JKAMP: variants seen among roughly 807,000 people sequenced by gnomAD.
JKAMP encodes JNK1/MAPK8-associated membrane protein.
Under a neutral mutation model 40.2 loss-of-function variants are expected in JKAMP, and 20 were observed. That is an observed-to-expected ratio of 0.50 (90% CI 0.35 to 0.72). The LOEUF (loss-of-function observed/expected upper bound fraction) is 0.72. JKAMP is among the 30% of genes least tolerant of loss of function. The probability of loss-of-function intolerance (pLI) is 0.01; values close to 1 mark genes in which losing one functional copy is unlikely to be tolerated. For missense variants in JKAMP, 276 were observed against 373.0 expected (o/e 0.74, Z 2.14); for synonymous variants, 138 against 131.6 (o/e 1.05, Z -0.33).
At chr14:59,501,741 TA>T (rs1471884039) in intron 6 of JKAMP, among the ~76,000 whole-genome samples, 1 of 152,190 alleles carries the variant, frequency 6.6e-6, no homozygotes, top group Non-Finnish European at 1.5e-5. Flanking sequence ...TTTTACCCCA[TA>T]ATGTTTGGGG....
At chr14:59,484,773 G>A (rs908884568) in intron 1 of JKAMP, 180 bp downstream of exon 1, 2 of 942,852 alleles carry the variant, frequency 2.1e-6, no homozygotes, top group Non-Finnish European at 3.1e-6. Context: ...TGGTCTGTCC[G>A]CAACGGGCTA....
At chr14:59,489,339 A>G (rs1353298727) in intron 3 of JKAMP, among the ~76,000 whole-genome samples, 4 of 152,164 alleles carry the variant, frequency 2.6e-5, no homozygotes, top group African/African-American at 7.2e-5. Flanking sequence ...TTAAGTTCCA[A>G]CTTCCACAGA....
At chr14:59,500,913 C>A in intron 5 of JKAMP, 1 of 293,222 alleles carries the variant, frequency 3.4e-6, no homozygotes, top group Non-Finnish European at 6.2e-6. Flanking sequence ...TGGAACACAG[C>A]CGTGCCCATT....
rs1037963682 is a variant in JKAMP at position 59,492,889 on chromosome 14, C to A, written c.252-2129C>A. On this transcript the variant is annotated intron_variant, in intron 3 of 6. Transcript: ENST00000616435. The stretch of plus-strand genomic sequence containing the variant: ...CTCGGCTCACTGCAAGCTTCGCCTC[C>A]CAGGTTCACGTCATTCTCCTGCCTC... Among the ~76,000 whole-genome samples, 18 of 151,620 alleles carry A rather than the reference C, an allele frequency of 1.2e-4. No individual in the cohort carries two copies. In the East Asian group the frequency reaches 3.5e-3, roughly 30 times the overall value.
intron 3 of JKAMP, among the ~76,000 whole-genome samples, chr14:59,492,776 A>C (rs186790661): frequency 1.3e-5 from 2 of 151,154 alleles, no homozygotes; most frequent in Admixed American, 1.3e-4. Flanking sequence ...GGAAAAATAG[A>C]GACTATGAAG....
chr14:59,504,385 C>T lies in JKAMP; in HGVS notation c.*313C>T, dbSNP rs1406955377. 20 of 270,990 alleles carry T rather than the reference C, an allele frequency of 7.4e-5. No homozygotes were observed. Among genetic ancestry groups the T allele is most frequent in the Non-Finnish European group, 6.9e-6 (1 of 144,358 alleles). The allele number at this position is 270,990 out of a possible 1,614,324, so 16.8% of individuals were successfully genotyped here. The stretch of plus-strand genomic sequence containing the variant: ...GTTTCTGTGTACCTAGCAATGTGTT[C>T]CCATTTTATTAAGAAAAGCTTTAAC... On this transcript the variant is annotated 3_prime_UTR_variant, in exon 7 of 7. Transcript: ENST00000616435.
At chr14:59,485,002 C>CAT in intron 1 of JKAMP, 1 of 1,583,468 alleles carries the variant, frequency 6.3e-7, no homozygotes, top group East Asian at 2.2e-5. Context: ...TTATAGCGCC[C>CAT]GTCACAAAGG....
At chr14:59,499,499 C>T (rs1891712133) in intron 5 of JKAMP, among the ~76,000 whole-genome samples, 1 of 152,008 alleles carries the variant, frequency 6.6e-6, no homozygotes, top group South Asian at 2.1e-4. Context: ...ACCATTAATT[C>T]ATTTGTTTAG....
chr14:59,484,533 G>A lies in JKAMP; in HGVS notation c.-57G>A. The A allele has an allele frequency of 2.6e-6, 4 of 1,558,164 alleles. No homozygotes were observed. Among genetic ancestry groups the A allele is most frequent in the East Asian group, 2.4e-5 (1 of 41,562 alleles). On this transcript the variant is annotated 5_prime_UTR_variant, in exon 1 of 7. It adds an upstream start codon to the 5' untranslated region. Coordinates refer to ENST00000616435, the MANE Select transcript of JKAMP (RefSeq NM_016475.5). ...GAGCTCGCTGTGGCCCGGATGTTCG[G>A]TGCAGCTGCCAGATCCGCTGATCTA...
intron 3 of JKAMP, among the ~76,000 whole-genome samples, chr14:59,492,988 C>T (rs544148032): frequency 7.9e-5 from 12 of 151,216 alleles, no homozygotes; most frequent in African/African-American, 1.7e-4. Flanking sequence ...TTAGTAGAGA[C>T]GGGGTTTCAC....
At position 59,495,211 on chromosome 14, in the gene JKAMP, G is replaced by A; in HGVS notation, c.445G>A (p.Ala149Thr). Residue 149 changes from alanine (A) to threonine (T), a missense_variant, in exon 4 of 7, where the codon GCC becomes ACC. Physicochemically the swap from Ala to Thr is moderately conservative, Grantham distance 58 (BLOSUM62 0). Transcript: ENST00000616435. ...YVTTVHCTHE[A>T]VYPLYTIVFI... ...TACCACAGTACACTGTACTCATGAAGCCGTCTACCCACTGTAAGTGTTTAT... is the reference window on the plus strand; with the variant it reads ...TACCACAGTACACTGTACTCATGAAACCGTCTACCCACTGTAAGTGTTTAT... 6.2e-7 allele frequency: 1 copy of A among 1,607,758 alleles called. No individual in the cohort carries two copies. The highest frequency in any genetic ancestry group is 8.5e-7 in the Non-Finnish European group (1 of 1,174,344).
At chr14:59,496,283 A>G (rs1255362691) in intron 4 of JKAMP, among the ~76,000 whole-genome samples, 2 of 150,870 alleles carry the variant, frequency 1.3e-5, no homozygotes, top group African/African-American at 4.9e-5. Flanking sequence ...ATAAAATACT[A>G]TATAAAACAC....
rs1353815416 is a variant in JKAMP, at chr14:59,495,127, C to G, written c.361C>G (p.Arg121Gly). Residue 121 changes from arginine to glycine, a missense_variant, in exon 4 of 7, where the codon CGA (arginine) becomes GGA (glycine). Physicochemically the swap from Arg to Gly is moderately radical, Grantham distance 125 (BLOSUM62 -2). Coordinates refer to ENST00000616435, the MANE Select transcript of JKAMP (RefSeq NM_016475.5). ...TGGTGTTCTTTATATTCGTTCATGTCGAGTATTGATGCTTTCTGACTGGTA... is the reference window on the plus strand; with the variant it reads ...TGGTGTTCTTTATATTCGTTCATGTGGAGTATTGATGCTTTCTGACTGGTA... ...PVGVLYIRSC[R>G]VLMLSDWYTM... 1 of 1,613,284 alleles carries G rather than the reference C, an allele frequency of 6.2e-7. No homozygotes were observed. The highest frequency in any genetic ancestry group is 1.7e-5 in the Admixed American group (1 of 60,008).
chr14:59,503,215 C>G (rs1048078232), intron 6 of JKAMP, among the ~76,000 whole-genome samples: 16 of 152,120 alleles, frequency 1.1e-4, no homozygotes, highest in African/African-American at 3.1e-4. Context: ...CAGCTTAGTA[C>G]TGGTTGAGTT....
chr14:59,500,611 A>G (rs113337957), intron 5 of JKAMP, among the ~76,000 whole-genome samples: 6,096 of 152,214 alleles, frequency 0.04, 161 homozygotes, highest in Non-Finnish European at 0.058. Flanking sequence ...AAGCTGAGTT[A>G]CTCTTATAGA....
chr14:59,495,964 C>T (rs991330670), intron 4 of JKAMP, among the ~76,000 whole-genome samples: 4 of 152,190 alleles, frequency 2.6e-5, no homozygotes, highest in African/African-American at 9.6e-5. Flanking sequence ...TGCAGTGGCA[C>T]GAGATCTCAG....
intron 5 of JKAMP, among the ~76,000 whole-genome samples, chr14:59,499,757 A>G (rs1891733260): frequency 6.6e-6 from 1 of 152,124 alleles, no homozygotes; most frequent in Non-Finnish European, 1.5e-5. Flanking sequence ...GCTTGAGGGT[A>G]AGACCAAGGG....
rs556344212 is a variant in JKAMP, at chr14:59,497,161, A to T, written c.459-1566A>T. 1.9e-4 allele frequency among the ~76,000 whole-genome samples: 29 copies of T among 152,300 alleles called. No homozygotes were observed. In the East Asian group the frequency reaches 5.6e-3, roughly 29 times the overall value. ...ACCACAGGACTTTACTGATAATTAT[A>T]GTTTTAAGGGGAAACAGATGAGGCA... On this transcript the variant is annotated intron_variant, in intron 4 of 6. Coordinates refer to ENST00000616435, the MANE Select transcript of JKAMP (RefSeq NM_016475.5).
intron 3 of JKAMP, among the ~76,000 whole-genome samples, chr14:59,488,074 A>C (rs921603663): frequency 2.6e-5 from 4 of 152,102 alleles, no homozygotes; most frequent in African/African-American, 9.7e-5. Context: ...TTACTTCTCA[A>C]CTATAATCCT....
Sources: gnomAD v4.1 joint callset for allele counts (sites outside exome capture counted in the v4.1 genomes callset) on GRCh38, gnomAD v4.1.1 for gene constraint, MANE v1.5 for transcripts, NCBI Gene and HGNC (gene_info 2026-07-23, HGNC 2026-07-21) for gene names.